FNDC3A: variants seen among roughly 807,000 people sequenced by gnomAD.
FNDC3A encodes the protein fibronectin type-III domain-containing protein 3A.
Under a neutral mutation model 148.9 loss-of-function variants are expected in FNDC3A, and 32 were observed. That is an observed-to-expected ratio of 0.21 (90% CI 0.16 to 0.29). The LOEUF (loss-of-function observed/expected upper bound fraction) is 0.29, where lower values mean the gene tolerates loss of function less well. FNDC3A is among the 10% of genes least tolerant of loss of function. The pLI is 1.00. For missense variants in FNDC3A, 1,191 were observed against 1,452.8 expected, an observed-to-expected ratio of 0.82 and a Z score of 2.93; for synonymous variants, 472 against 473.6, an observed-to-expected ratio of 1.00 and a Z score of 0.04.
intron 2 of FNDC3A, among the ~76,000 whole-genome samples, chr13:49,029,415 C>T (rs1873952788): frequency 6.6e-6 from 1 of 152,020 alleles, no homozygotes; most frequent in African/African-American, 2.4e-5. Context: ...TGAAATACTG[C>T]TGAAGTAATG....
chr13:49,009,117 C>G (rs1952283894), intron 2 of FNDC3A, among the ~76,000 whole-genome samples: 2 of 152,128 alleles, frequency 1.3e-5, no homozygotes, highest in Admixed American at 1.3e-4. Context: ...AAATCCCGTG[C>G]TTCACCTTTT....
Position 49,159,124 on chromosome 13 carries a change from A to G in FNDC3A, c.978-8120A>G, listed in dbSNP as rs1318449515. ...GTGGGCTCTTTTTTGGTTCCATATGAACTTTAAAGTAGTTTTTTCCAATTC... is the reference window on the plus strand; with the variant it reads ...GTGGGCTCTTTTTTGGTTCCATATGGACTTTAAAGTAGTTTTTTCCAATTC... On this transcript the variant is annotated intron_variant, in intron 8 of 25. Transcript: ENST00000492622. Among the ~76,000 whole-genome samples, 3 of 152,166 alleles carry G rather than the reference A, an allele frequency of 2.0e-5. No homozygotes were observed. In the East Asian group the frequency reaches 5.8e-4, roughly 29 times the overall value.
chr13:49,058,982 C>T, intron 2 of FNDC3A, among the ~76,000 whole-genome samples: 1 of 152,170 alleles, frequency 6.6e-6, no homozygotes. Flanking sequence ...CTAAATACTG[C>T]ACCCCTTAAC....
At chr13:49,015,221 C>G (rs1226787238) in intron 2 of FNDC3A, among the ~76,000 whole-genome samples, 1 of 152,160 alleles carries the variant, frequency 6.6e-6, no homozygotes. Context: ...CTGATTCTTC[C>G]TACCCATTAG....
intron 19 of FNDC3A, among the ~76,000 whole-genome samples, chr13:49,195,309 T>C (rs1057386444): frequency 6.6e-6 from 1 of 152,152 alleles, no homozygotes; most frequent in African/African-American, 2.4e-5. Flanking sequence ...ATAAAACAGT[T>C]ACGTTCACAA....
intron 8 of FNDC3A, among the ~76,000 whole-genome samples, chr13:49,156,716 G>A (rs1883716237): frequency 6.7e-6 from 1 of 148,866 alleles, no homozygotes; most frequent in African/African-American, 2.5e-5. Context: ...GGCAGGCCTG[G>A]TGGTGACAAA....
At chr13:49,016,673 A>C (rs1272609561) in intron 2 of FNDC3A, among the ~76,000 whole-genome samples, 4 of 151,964 alleles carry the variant, frequency 2.6e-5, no homozygotes, top group African/African-American at 7.3e-5. Flanking sequence ...TTGCTTTTCT[A>C]ATTCTTTTAA....
At chr13:49,197,679 T>C in intron 20 of FNDC3A, 46 bp from the exon 21 acceptor site, 1 of 1,542,378 alleles carries the variant, frequency 6.5e-7, no homozygotes, top group East Asian at 2.3e-5. Context: ...AAAAGCTATT[T>C]AATCAACATC....
chr13:49,060,128 CA>C (rs1437312967), intron 2 of FNDC3A, among the ~76,000 whole-genome samples: 1 of 152,092 alleles, frequency 6.6e-6, no homozygotes, highest in Non-Finnish European at 1.5e-5. Flanking sequence ...TAAGAATTAC[CA>C]TATGACCTAA....
At chr13:49,075,400 A>T (rs1425626717) in intron 3 of FNDC3A, 36 bp downstream of exon 3, 5 of 1,273,146 alleles carry the variant, frequency 3.9e-6, no homozygotes, top group Non-Finnish European at 5.7e-6. Context: ...ATTTGAGACC[A>T]AATAAACCCC....
intron 4 of FNDC3A, among the ~76,000 whole-genome samples, chr13:49,122,349 CAAAAT>C (rs1349082010): frequency 6.6e-6 from 1 of 152,064 alleles, no homozygotes; most frequent in African/African-American, 2.4e-5. Flanking sequence ...GAACATATCT[CAAAAT>C]AATAAGAGCT....
At chr13:49,116,546 G>C (rs894311173) in intron 4 of FNDC3A, among the ~76,000 whole-genome samples, 1 of 152,186 alleles carries the variant, frequency 6.6e-6, no homozygotes, top group Non-Finnish European at 1.5e-5. Context: ...TGTAATCCCA[G>C]CTCTTTGGGA....
At chr13:49,153,539 T>A (rs1405532760) in intron 8 of FNDC3A, among the ~76,000 whole-genome samples, 3 of 152,208 alleles carry the variant, frequency 2.0e-5, no homozygotes, top group South Asian at 2.1e-4. Context: ...CCCATTTGTC[T>A]ATTTTGTCTT....
At chr13:49,146,383 T>C (rs1227443783) in intron 8 of FNDC3A, 1 of 154,652 alleles carries the variant, frequency 6.5e-6, no homozygotes, top group Non-Finnish European at 1.4e-5. Context: ...TTTATTTGCA[T>C]GTTAGTATGT....
intron 2 of FNDC3A, among the ~76,000 whole-genome samples, chr13:49,022,970 A>G (rs1363890245): frequency 1.3e-5 from 2 of 152,104 alleles, no homozygotes; most frequent in East Asian, 1.9e-4. Flanking sequence ...GTAAGCACAC[A>G]TTTTAAAAAA....
At chr13:49,045,043 TTTTCCTTTCCCTTTC>T in intron 2 of FNDC3A, 2 of 68,550 alleles carry the variant, frequency 2.9e-5, no homozygotes, top group South Asian at 2.4e-4. Context: ...TTCCTTTCCC[TTTTCCTTTCCCTTTC>T]CCTTTTCCTT....
chr13:49,194,567 G>A (rs929124524), intron 19 of FNDC3A, among the ~76,000 whole-genome samples: 11 of 151,988 alleles, frequency 7.2e-5, no homozygotes, highest in Admixed American at 6.6e-5. Context: ...CTTCTAACAG[G>A]ATATAGTTAC....
rs1198150897 is a variant in FNDC3A at position 49,138,904 on chromosome 13, A to T, written c.819+99A>T. ...GTTTTTTTCTTTTAACTTTTTATGA[A>T]AATAGGATCATACTGTATTCTGTGA... On this transcript the variant is annotated intron_variant, in intron 7 of 25. Coordinates refer to ENST00000492622, the MANE Select transcript of FNDC3A (RefSeq NM_001079673.2). The T allele has an allele frequency of 1.1e-5, 7 of 622,582 alleles. No homozygotes were observed. In the Admixed American group the frequency reaches 1.7e-4, roughly 15 times the overall value. The allele number at this position is 622,582 out of a possible 1,614,324, so 38.6% of individuals were successfully genotyped here. A position where few individuals can be genotyped will look rare whatever the true frequency, so the allele number is the denominator to read the frequency against.
intron 4 of FNDC3A, among the ~76,000 whole-genome samples, chr13:49,122,862 T>TG (rs1881446691): frequency 6.6e-6 from 1 of 152,082 alleles, no homozygotes; most frequent in African/African-American, 2.4e-5. Flanking sequence ...CACAAACAAA[T>TG]GGAAAAACAT....
Sources: allele counts gnomAD v4.1 joint callset (sites outside exome capture counted in the v4.1 genomes callset), GRCh38; gene constraint gnomAD v4.1.1; transcripts MANE v1.5; gene names NCBI Gene and HGNC (gene_info 2026-07-23, HGNC 2026-07-21).